The following SLC22A2 variants were observed in gnomAD, a reference collection of about 807,000 sequenced individuals.
SLC22A2 encodes solute carrier family 22 member 2.
A neutral mutation model predicts 60.5 loss-of-function variants in SLC22A2; 46 were observed. That is an observed-to-expected ratio of 0.76 (90% CI 0.60 to 0.97). The LOEUF (loss-of-function observed/expected upper bound fraction) is 0.97. SLC22A2 is among the 50% of genes least tolerant of loss of function. SLC22A2 has a pLI of 0.00. For synonymous variants in SLC22A2, 303 were observed against 267.0 expected, an observed-to-expected ratio of 1.13 and a Z score of -1.31; for missense variants, 701 against 706.6, an observed-to-expected ratio of 0.99 and a Z score of 0.09.
At chr6:160,256,545 G>T in intron 2 of SLC22A2, 69 bp downstream of exon 2, 3 of 988,396 alleles carry the variant, frequency 3.0e-6, no homozygotes, top group Non-Finnish European at 3.3e-6. Flanking sequence ...TCAAGCAGGG[G>T]CAGGTGCATC....
chr6:160,257,874 T>C (rs993149685), intron 1 of SLC22A2: 1 of 153,952 alleles, frequency 6.5e-6, no homozygotes, highest in Non-Finnish European at 1.4e-5. Context: ...TATGAACACT[T>C]TGAGGAAATT....
chr6:160,249,502 G>A, intron 3 of SLC22A2, 118 bp from the exon 4 acceptor site: 6 of 729,744 alleles, frequency 8.2e-6, no homozygotes, highest in South Asian at 3.5e-5. Flanking sequence ...AATATTCTAC[G>A]CAACTCTCTG....
At chr6:160,255,323 T>A (rs1783252355) in intron 2 of SLC22A2, among the ~76,000 whole-genome samples, 1 of 152,204 alleles carries the variant, frequency 6.6e-6, no homozygotes. Flanking sequence ...CCCAGGCCCC[T>A]GTGAAGTGCA....
At chr6:160,233,024 C>T (rs541891137) in intron 9 of SLC22A2, among the ~76,000 whole-genome samples, 2 of 151,854 alleles carry the variant, frequency 1.3e-5, no homozygotes, top group Admixed American at 1.3e-4. Flanking sequence ...TCGTGGAAAT[C>T]TATCCTCAAG....
At chr6:160,256,293 T>C (rs1457694483) in intron 2 of SLC22A2, among the ~76,000 whole-genome samples, 1 of 152,072 alleles carries the variant, frequency 6.6e-6, no homozygotes. Flanking sequence ...GGCCAAAAAA[T>C]GAATTGGGAA....
At chr6:160,254,275 C>T (rs1783233810) in intron 2 of SLC22A2, among the ~76,000 whole-genome samples, 1 of 151,768 alleles carries the variant, frequency 6.6e-6, no homozygotes, top group African/African-American at 2.4e-5. Flanking sequence ...GAGACTCTGT[C>T]TCAAAAAATA....
chr6:160,257,044 G>T (rs1001205922), intron 1 of SLC22A2, among the ~76,000 whole-genome samples: 4 of 152,108 alleles, frequency 2.6e-5, no homozygotes, highest in African/African-American at 9.7e-5. Flanking sequence ...GGCATTATAG[G>T]CGTGAGCCAC....
intron 2 of SLC22A2, among the ~76,000 whole-genome samples, chr6:160,252,177 C>T (rs1783195871): frequency 6.6e-6 from 1 of 152,156 alleles, no homozygotes; most frequent in African/African-American, 2.4e-5. Flanking sequence ...CATATCTCAA[C>T]TTAATTTTTT....
At chr6:160,247,419 A>T in intron 4 of SLC22A2, 121 bp from the exon 5 acceptor site, 2 of 623,148 alleles carry the variant, frequency 3.2e-6, no homozygotes, top group Non-Finnish European at 5.8e-6. Flanking sequence ...AGAAAATAAC[A>T]CTCGTGTAGG....
At chr6:160,234,287 G>T (rs551012260) in intron 9 of SLC22A2, among the ~76,000 whole-genome samples, 1 of 152,274 alleles carries the variant, frequency 6.6e-6, no homozygotes, top group Admixed American at 6.5e-5. Context: ...CTCACACAAA[G>T]CCTGTTTGGT....
chr6:160,218,443 A>C (rs940658894), intron 10 of SLC22A2, among the ~76,000 whole-genome samples: 7 of 152,260 alleles, frequency 4.6e-5, no homozygotes, highest in African/African-American at 1.7e-4. Flanking sequence ...CAACTGCAAT[A>C]GCAACAGTAG....
intron 4 of SLC22A2, among the ~76,000 whole-genome samples, chr6:160,248,463 G>A (rs1783132325): frequency 6.6e-6 from 1 of 152,214 alleles, no homozygotes; most frequent in Non-Finnish European, 1.5e-5. Context: ...TAAGAAACAG[G>A]CTTCTGGGAA....
At chr6:160,250,770 T>C (rs1220661879) in intron 2 of SLC22A2, 68 bp from the exon 3 acceptor site, 31 of 1,484,852 alleles carry the variant, frequency 2.1e-5, no homozygotes, top group East Asian at 2.3e-5. Flanking sequence ...GGAAAATGCA[T>C]GGAAGTTATG....
intron 9 of SLC22A2, among the ~76,000 whole-genome samples, chr6:160,228,698 G>T (rs1681308475): frequency 6.6e-6 from 1 of 152,124 alleles, no homozygotes; most frequent in Non-Finnish European, 1.5e-5. Context: ...CCTGTGGCCT[G>T]CACGTATATA....
rs770032308 is a variant in SLC22A2 at position 160,256,625 on chromosome 6, G to A, written c.507C>T (p.Tyr169=). 2 of 1,611,100 alleles carry A rather than the reference G, an allele frequency of 1.2e-6. No homozygotes were observed. Among genetic ancestry groups the A allele is most frequent in the African/African-American group, 1.3e-5 (1 of 74,990 alleles). ...GTGATTCAACCTACCTGTCTGCTAT[G>A]TAGCCGATACTCATAGAGCCAATAA... ...GFFIGSMSIG[Y]IADRFGRKLC... is the part of the protein sequence containing the mutation. Residue 169 remains tyrosine (Y), a synonymous_variant, in exon 2 of 11, where the codon TAC becomes TAT. Transcript: ENST00000366953.
In SLC22A2 at chr6:160,241,622, A is replaced by T; in HGVS notation, c.1389-36T>A. The T allele has an allele frequency of 2.2e-6, 3 of 1,338,306 alleles. No homozygotes were observed. In the African/African-American group the frequency reaches 4.3e-5, roughly 19 times the overall value. The allele number at this position is 1,338,306 out of a possible 1,614,324, so 82.9% of individuals were successfully genotyped here. On this transcript the variant is annotated intron_variant, in intron 8 of 10. Coordinates refer to ENST00000366953, the MANE Select transcript of SLC22A2 (RefSeq NM_003058.4). ...GGAAACTGATTTAACTTGTTAACTT[A>T]TCACAGTGCAGTAGTTATCTCCCAT...
chr6:160,248,857 T>C (rs955550510), intron 4 of SLC22A2, among the ~76,000 whole-genome samples: 38 of 152,236 alleles, frequency 2.5e-4, no homozygotes, highest in Admixed American at 1.8e-3. Flanking sequence ...CACCCTAAAG[T>C]TTCCTCTGAG....
intron 10 of SLC22A2, among the ~76,000 whole-genome samples, chr6:160,224,210 A>G (rs1162263151): frequency 6.6e-6 from 1 of 152,014 alleles, no homozygotes. Context: ...TTCTCTTACT[A>G]TGAAGGAAGT....
intron 9 of SLC22A2, among the ~76,000 whole-genome samples, chr6:160,238,134 T>G (rs952087634): frequency 6.6e-6 from 1 of 152,220 alleles, no homozygotes; most frequent in African/African-American, 2.4e-5. Context: ...TTCACATCAC[T>G]CTGTGAACTC....
Sources: allele counts gnomAD v4.1 joint callset (sites outside exome capture counted in the v4.1 genomes callset), GRCh38; gene constraint gnomAD v4.1.1; transcripts MANE v1.5; gene names NCBI Gene and HGNC (gene_info 2026-07-23, HGNC 2026-07-21).